The following NCF4 variants were observed in gnomAD, a reference collection of about 807,000 sequenced individuals.
NCF4 encodes neutrophil cytosolic factor 4.
Under a neutral mutation model 41.7 loss-of-function variants are expected in NCF4, and 30 were observed. The observed-to-expected ratio is 0.72, with a 90% CI of 0.54 to 0.97. NCF4 has a LOEUF of 0.97. NCF4 is among the 50% of genes least tolerant of loss of function. The pLI, the probability that NCF4 is intolerant of heterozygous loss-of-function variation, is 0.00. For missense variants in NCF4, 432 were observed against 460.9 expected, an observed-to-expected ratio of 0.94 and a Z score of 0.57; for synonymous variants, 195 against 175.8, an observed-to-expected ratio of 1.11 and a Z score of -0.87.
intron 4 of NCF4, among the ~76,000 whole-genome samples, chr22:36,869,765 T>C (rs1940009127): frequency 6.6e-6 from 1 of 152,216 alleles, no homozygotes; most frequent in African/African-American, 2.4e-5. Context: ...GTCCGGGCCC[T>C]GTCACTTAGC....
chr22:36,877,513 C>T (rs1027698131), intron 9 of NCF4, 115 bp from the exon 10 acceptor site: 1 of 1,057,508 alleles, frequency 9.5e-7, no homozygotes, highest in Non-Finnish European at 1.5e-6. Context: ...GGGCTTGTAT[C>T]AGGCTCTGAC....
rs12159790 is a variant in NCF4 at position 36,871,385 on chromosome 22, C to T, written c.471-267C>T. ...GAACACTTTGGCAAGTGAAAGGCAC[C>T]GAATGAGCGTGTATCCCCTTCCCCA... On this transcript the variant is annotated intron_variant, in intron 5 of 9. Transcript: ENST00000248899. Among the ~76,000 whole-genome samples the T allele has an allele frequency of 0.019, 2,934 of 152,276 alleles. 102 individuals are homozygous for T. Among genetic ancestry groups the T allele is most frequent in the African/African-American group, 0.068 (2,820 of 41,552 alleles).
rs550672502 is a variant in NCF4 at position 36,875,504 on chromosome 22, G to A, written c.628-149G>A. ...CCTTCTTAGAAGTGACCAGCTCAGC[G>A]AACTTCCTCGCTTTCCCTCCTCCCT... is the stretch of plus-strand genomic sequence containing the variant. On this transcript the variant is annotated intron_variant, in intron 7 of 9. Coordinates refer to ENST00000248899, the MANE Select transcript of NCF4 (RefSeq NM_000631.5). 2.9e-5 allele frequency: 21 copies of A among 731,626 alleles called. No individual in the cohort carries two copies. In the East Asian group the frequency reaches 4.8e-4, roughly 17 times the overall value. 45.3% of individuals were successfully genotyped at this position (731,626 alleles called of 1,614,324 possible).
intron 5 of NCF4, among the ~76,000 whole-genome samples, chr22:36,871,050 C>T (rs1310411502): frequency 6.6e-6 from 1 of 152,224 alleles, no homozygotes; most frequent in African/African-American, 2.4e-5. Context: ...TCGTAGACTG[C>T]TGGGCTTCCA....
At position 36,872,325 on chromosome 22, in the gene NCF4, AG is replaced by A; in HGVS notation, c.529del. On this transcript the variant is annotated splice_acceptor_variant, in intron 6 of 9. Coordinates refer to ENST00000248899, the MANE Select transcript of NCF4 (RefSeq NM_000631.5). LOFTEE classifies it high-confidence loss of function. The stretch of plus-strand genomic sequence containing the variant: ...CCCTCCTTACTGCACGCTTCTCCTC[AG>A]GCTCTATTTGACTTCACTGGAAACA... 6.3e-7 allele frequency: 1 copy of A among 1,596,720 alleles called. No homozygotes were observed. Among genetic ancestry groups the A allele is most frequent in the Non-Finnish European group, 8.6e-7 (1 of 1,164,110 alleles).
At chr22:36,862,777 C>T (rs1021152927) in intron 1 of NCF4, among the ~76,000 whole-genome samples, 1 of 152,176 alleles carries the variant, frequency 6.6e-6, no homozygotes, top group Non-Finnish European at 1.5e-5. Context: ...TTCTAGAACC[C>T]CAAGGTGAGA....
chr22:36,876,686 T>C (rs1220294680), intron 9 of NCF4, among the ~76,000 whole-genome samples: 6 of 152,234 alleles, frequency 3.9e-5, no homozygotes, highest in Admixed American at 6.5e-5. Flanking sequence ...ATCATTAACA[T>C]GGCCATGCGC....
intron 1 of NCF4, among the ~76,000 whole-genome samples, chr22:36,862,451 C>T (rs1939797014): frequency 6.6e-6 from 1 of 152,228 alleles, no homozygotes; most frequent in South Asian, 2.1e-4. Context: ...CAGCCGCACG[C>T]AAACTCGAAT....
intron 7 of NCF4, 148 bp downstream of exon 7, chr22:36,872,573 G>A (rs1601553739): frequency 2.7e-6 from 2 of 730,010 alleles, no homozygotes; most frequent in South Asian, 3.0e-5. Flanking sequence ...ATGGAGGTAA[G>A]AGTGGAGGTG....
intron 7 of NCF4, 117 bp from the exon 8 acceptor site, chr22:36,875,536 A>G: frequency 1.1e-6 from 1 of 919,322 alleles, no homozygotes; most frequent in South Asian, 1.4e-5. Flanking sequence ...CCCTCTACAG[A>G]AGAAGACCCG....
chr22:36,867,785 C>T (rs1023694572), intron 4 of NCF4, among the ~76,000 whole-genome samples: 1 of 152,188 alleles, frequency 6.6e-6, no homozygotes, highest in Non-Finnish European at 1.5e-5. Flanking sequence ...AGTGTCTGCC[C>T]CCAAGGTACC....
At chr22:36,877,488 T>G in intron 9 of NCF4, 140 bp from the exon 10 acceptor site, 1 of 855,222 alleles carries the variant, frequency 1.2e-6, no homozygotes, top group Non-Finnish European at 1.9e-6. Context: ...GGAGGTTAGA[T>G]TACTTGGATG....
intron 5 of NCF4, among the ~76,000 whole-genome samples, chr22:36,871,251 A>C (rs1342236042): frequency 6.6e-6 from 1 of 152,234 alleles, no homozygotes; most frequent in African/African-American, 2.4e-5. Flanking sequence ...CAGGCCCCAG[A>C]GCAAGGCACT....
Position 36,864,034 on chromosome 22 carries a change from C to G in NCF4, c.33-11C>G, listed in dbSNP as rs1325239429. Reference sequence around the variant, plus strand: ...TGATAAGCAGGATCTCTTTTCCCCTCCTTCGCACAGTGACTTTGAACAGCT... The same window carrying G: ...TGATAAGCAGGATCTCTTTTCCCCTGCTTCGCACAGTGACTTTGAACAGCT... On this transcript the variant is annotated splice_polypyrimidine_tract_variant and intron_variant, in intron 1 of 9. Transcript: ENST00000248899. 1 of 1,613,316 alleles carries G rather than the reference C, an allele frequency of 6.2e-7. No individual in the cohort carries two copies. Among genetic ancestry groups the G allele is most frequent in the Admixed American group, 1.7e-5 (1 of 60,022 alleles).
Position 36,864,980 on chromosome 22 carries a change from G to T in NCF4, c.179G>T (p.Arg60Leu). ...GSKYLIYRRY[R>L]QFHALQSKLE... Reference sequence around the variant, plus strand: ...AAGTACCTCATCTACCGCCGCTACCGCCAGTTCCATGCTTTGCAGAGCAAG... The same window carrying T: ...AAGTACCTCATCTACCGCCGCTACCTCCAGTTCCATGCTTTGCAGAGCAAG... Residue 60 changes from arginine to leucine, a missense_variant, in exon 3 of 10, where the codon CGC (arginine) becomes CTC (leucine). By Grantham distance (102) the Arg-to-Leu change is moderately radical. Coordinates refer to ENST00000248899, the MANE Select transcript of NCF4 (RefSeq NM_000631.5). 2 of 1,614,012 alleles carry T rather than the reference G, an allele frequency of 1.2e-6. No individual in the cohort carries two copies. Among genetic ancestry groups the T allele is most frequent in the Non-Finnish European group, 1.7e-6 (2 of 1,180,004 alleles).
chr22:36,871,764 C>A (rs1248082124), intron 6 of NCF4, 55 bp downstream of exon 6: 2 of 1,534,388 alleles, frequency 1.3e-6, no homozygotes, highest in African/African-American at 1.4e-5. Flanking sequence ...TCTGCCTTGG[C>A]CCACCTGCCA....
chr22:36,875,106 T>C (rs1940164032), intron 7 of NCF4, among the ~76,000 whole-genome samples: 1 of 152,214 alleles, frequency 6.6e-6, no homozygotes, highest in Non-Finnish European at 1.5e-5. Context: ...CTCGGCTCAC[T>C]GCAACCTCCA....
At chr22:36,868,315 T>C (rs1276097026) in intron 4 of NCF4, among the ~76,000 whole-genome samples, 3 of 152,200 alleles carry the variant, frequency 2.0e-5, no homozygotes, top group Non-Finnish European at 4.4e-5. Context: ...TTGGGGTGAG[T>C]TGCCCATCCT....
chr22:36,867,293 G>A, intron 3 of NCF4, 99 bp from the exon 4 acceptor site: 1 of 1,265,684 alleles, frequency 7.9e-7, no homozygotes, highest in South Asian at 1.2e-5. Context: ...GAGCCATCGG[G>A]AAGGGGCTCT....
Sources: allele counts gnomAD v4.1 joint callset (sites outside exome capture counted in the v4.1 genomes callset), GRCh38; gene constraint gnomAD v4.1.1; transcripts MANE v1.5; gene names NCBI Gene and HGNC (gene_info 2026-07-23, HGNC 2026-07-21).